BICRAL: variants seen among roughly 807,000 people sequenced by gnomAD.
BICRAL encodes BICRA like chromatin remodeling complex associated protein, also known as BRD4-interacting chromatin-remodeling complex-associated protein-like.
In BICRAL, 8 loss-of-function variants were observed where a neutral mutation model predicts 91.8. That is an observed-to-expected ratio of 0.09 (90% CI 0.05 to 0.16). The LOEUF is 0.16. Among genes scored for constraint, BICRAL ranks in the 10% least tolerant of loss-of-function variants. The pLI is 1.00. For synonymous variants in BICRAL, 445 were observed against 491.1 expected (o/e 0.91, Z 1.24); for missense variants, 1,038 against 1,310.9 (o/e 0.79, Z 3.21).
At chr6:42,782,327 G>GTTT (rs1290370929) in intron 1 of BICRAL, among the ~76,000 whole-genome samples, 2 of 59,534 alleles carry the variant, frequency 3.4e-5, no homozygotes, top group African/African-American at 6.5e-5. Context: ...CTAAGGCTGT[G>GTTT]TTTTTTTTTT....
At chr6:42,858,637 G>A (rs1455424186) in intron 10 of BICRAL, among the ~76,000 whole-genome samples, 1 of 151,090 alleles carries the variant, frequency 6.6e-6, no homozygotes, top group East Asian at 1.9e-4. Context: ...GACCAACATG[G>A]AGAAACCCTG....
intron 6 of BICRAL, among the ~76,000 whole-genome samples, chr6:42,843,559 T>G (rs138277641): frequency 7.9e-4 from 119 of 151,572 alleles, no homozygotes; most frequent in Non-Finnish European, 1.5e-3. Context: ...AACTTGTGAT[T>G]GATTGGGCAT....
In BICRAL at chr6:42,865,840, C is replaced by A. The variant is rs1351392184; in HGVS notation, c.*394C>A. 6.2e-6 allele frequency: 1 copy of A among 161,462 alleles called. No individual in the cohort carries two copies. The highest frequency in any genetic ancestry group is 1.3e-5 in the Non-Finnish European group (1 of 74,212). 10.0% of individuals were successfully genotyped at this position (161,462 alleles called of 1,614,324 possible). A position where few individuals can be genotyped will look rare whatever the true frequency, so the allele number is the denominator to read the frequency against. ...AAGTCATTTGAAAAGAACAGACTTACTAAAATCAAACGAGACGGATAGAAG... is the reference window on the plus strand; with the variant it reads ...AAGTCATTTGAAAAGAACAGACTTAATAAAATCAAACGAGACGGATAGAAG... On this transcript the variant is annotated 3_prime_UTR_variant, in exon 13 of 13. Transcript: ENST00000314073.
Position 42,851,116 on chromosome 6 carries a change from C to T in BICRAL, c.1840-976C>T, listed in dbSNP as rs574496766. Among the ~76,000 whole-genome samples the T allele has an allele frequency of 4.3e-4, 65 of 152,176 alleles. No individual in the cohort carries two copies. The South Asian group carries it at 4.8e-3, about 11-fold the overall frequency. On this transcript the variant is annotated intron_variant, in intron 6 of 12. Coordinates refer to ENST00000314073, the MANE Select transcript of BICRAL (RefSeq NM_001393499.1). ...AGGAGAATCCATTGAACTTGGGAGA[C>T]GGAGGTTGCAGTGAGTCGAGATCGT...
chr6:42,853,802 G>T, intron 8 of BICRAL, 64 bp downstream of exon 8: 1 of 1,221,998 alleles, frequency 8.2e-7, no homozygotes, highest in Non-Finnish European at 1.2e-6. Context: ...ATGTAGTCGT[G>T]CTATCTTTGT....
intron 1 of BICRAL, among the ~76,000 whole-genome samples, chr6:42,765,133 A>G (rs1323193992): frequency 6.6e-6 from 1 of 152,230 alleles, no homozygotes; most frequent in East Asian, 1.9e-4. Context: ...TGTCTTGTCA[A>G]GTGAGAACCT....
intron 1 of BICRAL, among the ~76,000 whole-genome samples, chr6:42,750,444 G>A (rs1056032795): frequency 3.3e-5 from 5 of 152,080 alleles, no homozygotes; most frequent in African/African-American, 1.2e-4. Flanking sequence ...GACTACAGGT[G>A]TGAGCCCCCA....
At chr6:42,756,012 C>A (rs1168060091) in intron 1 of BICRAL, among the ~76,000 whole-genome samples, 3 of 152,112 alleles carry the variant, frequency 2.0e-5, no homozygotes, top group Non-Finnish European at 4.4e-5. Flanking sequence ...TCTCTCTTTT[C>A]TTTGGCATCT....
intron 6 of BICRAL, among the ~76,000 whole-genome samples, chr6:42,845,368 G>A (rs2113997478): frequency 6.6e-6 from 1 of 151,226 alleles, no homozygotes; most frequent in Admixed American, 6.6e-5. Flanking sequence ...GATTACAAGC[G>A]TGAGCCACAG....
intron 1 of BICRAL, among the ~76,000 whole-genome samples, chr6:42,783,619 G>C (rs2113863372): frequency 6.6e-6 from 1 of 152,340 alleles, no homozygotes; most frequent in Non-Finnish European, 1.5e-5. Context: ...GAATTCTGGA[G>C]ATGGGACTGG....
intron 1 of BICRAL, among the ~76,000 whole-genome samples, chr6:42,756,515 C>G (rs1426344480): frequency 6.6e-6 from 1 of 152,170 alleles, no homozygotes; most frequent in Non-Finnish European, 1.5e-5. Flanking sequence ...CCCTCTGCCT[C>G]TCTCTTGAGC....
chr6:42,841,630 T>G (rs554932917), intron 6 of BICRAL, among the ~76,000 whole-genome samples: 2 of 152,176 alleles, frequency 1.3e-5, no homozygotes, highest in Admixed American at 1.3e-4. Context: ...ATGTTCTTGT[T>G]TTCTTCTTCT....
At chr6:42,782,482 G>A (rs920836279) in intron 1 of BICRAL, among the ~76,000 whole-genome samples, 45 of 151,364 alleles carry the variant, frequency 3.0e-4, no homozygotes, top group Non-Finnish European at 5.3e-4. Flanking sequence ...TGTCTCGGGC[G>A]GGGGCGCAGG....
chr6:42,788,223 T>TG (rs1491428314), intron 1 of BICRAL, among the ~76,000 whole-genome samples: 2 of 44,404 alleles, frequency 4.5e-5, no homozygotes, highest in Non-Finnish European at 4.0e-5. Flanking sequence ...AGCAGCATTC[T>TG]TTTTTTTTTT....
At chr6:42,793,111 A>G (rs1209257633) in intron 1 of BICRAL, among the ~76,000 whole-genome samples, 1 of 121,490 alleles carries the variant, frequency 8.2e-6, no homozygotes, top group Non-Finnish European at 1.7e-5. Context: ...GCATGCCACC[A>G]TGCCCAGCTA....
In BICRAL at chr6:42,865,419, A is replaced by G; in HGVS notation, c.3213A>G (p.Ala1071=). 6.2e-7 allele frequency: 1 copy of G among 1,612,398 alleles called. No individual in the cohort carries two copies. The highest frequency in any genetic ancestry group is 8.5e-7 in the Non-Finnish European group (1 of 1,178,454). ...TAGAAACTGACTCCATTTTAGAAGC[A>G]GCTGTAAATAGTATCCTAGAGTGTT... is the stretch of plus-strand genomic sequence containing the variant. ...GVVETDSILE[A]AVNSILEC is the part of the protein sequence containing the mutation. The change falls in exon 13 of 13, where the codon GCA becomes GCG. Residue 1071 remains alanine (A), a synonymous_variant. Transcript: ENST00000314073.
chr6:42,853,197 T>G (rs1427274559), intron 7 of BICRAL, among the ~76,000 whole-genome samples: 3 of 152,130 alleles, frequency 2.0e-5, no homozygotes, highest in African/African-American at 7.2e-5. Context: ...TCTTCCGTTT[T>G]TTCTAAGGCT....
chr6:42,749,322 T>G (rs1225518437), intron 1 of BICRAL, among the ~76,000 whole-genome samples: 1 of 152,154 alleles, frequency 6.6e-6, no homozygotes, highest in Non-Finnish European at 1.5e-5. Flanking sequence ...CTCACTCGTA[T>G]GTGGGAACTG....
At chr6:42,847,546 G>A (rs1385517261) in intron 6 of BICRAL, among the ~76,000 whole-genome samples, 1 of 151,974 alleles carries the variant, frequency 6.6e-6, no homozygotes, top group African/African-American at 2.4e-5. Context: ...GGGAGGCTGA[G>A]GTAGGAGGAT....
Sources: gnomAD v4.1 joint callset for allele counts (sites outside exome capture counted in the v4.1 genomes callset) on GRCh38, gnomAD v4.1.1 for gene constraint, MANE v1.5 for transcripts, NCBI Gene and HGNC (gene_info 2026-07-23, HGNC 2026-07-21) for gene names.